Variants in PPM1B observed in about 807,000 individuals in gnomAD.
PPM1B encodes protein phosphatase 1B.
A neutral mutation model predicts 43.0 loss-of-function variants in PPM1B; 22 were observed. The observed-to-expected ratio is 0.51, with a 90% CI of 0.37 to 0.73. The LOEUF (loss-of-function observed/expected upper bound fraction) is 0.73. PPM1B is among the 30% of genes least tolerant of loss of function. The pLI is 0.00. For synonymous variants in PPM1B, 217 were observed against 197.9 expected (o/e 1.10, Z -0.81); for missense variants, 632 against 584.2 (o/e 1.08, Z -0.84).
intron 5 of PPM1B, among the ~76,000 whole-genome samples, chr2:44,243,083 A>G (rs1206049956): frequency 6.6e-6 from 1 of 152,166 alleles, no homozygotes; most frequent in African/African-American, 2.4e-5. Context: ...ACATCATGCA[A>G]CTTCTGAGCT....
At chr2:44,172,432 G>A (rs762219290) in intron 1 of PPM1B, among the ~76,000 whole-genome samples, 79 of 152,212 alleles carry the variant, frequency 5.2e-4, no homozygotes, top group Non-Finnish European at 2.6e-4. Context: ...AAAATTTGCA[G>A]AATGACAGAA....
intron 5 of PPM1B, among the ~76,000 whole-genome samples, chr2:44,223,692 T>G (rs111762858): frequency 0.15 from 22,653 of 151,228 alleles, 1,907 homozygotes; most frequent in South Asian, 0.24. Context: ...GGTGGGCGCC[T>G]GTAGTCTCAG....
chr2:44,199,763 G>C (rs1246734056), intron 1 of PPM1B, among the ~76,000 whole-genome samples: 1 of 152,102 alleles, frequency 6.6e-6, no homozygotes, highest in Middle Eastern at 3.4e-3. Context: ...ATCCTTTCAG[G>C]ACTCTTTTTC....
intron 5 of PPM1B, among the ~76,000 whole-genome samples, chr2:44,225,691 C>G (rs1474007010): frequency 2.0e-5 from 3 of 152,154 alleles, no homozygotes; most frequent in Non-Finnish European, 2.9e-5. Flanking sequence ...GAGTCTCACC[C>G]TGTCACCGAG....
chr2:44,223,925 G>T (rs773954255), intron 5 of PPM1B, among the ~76,000 whole-genome samples: 1 of 150,896 alleles, frequency 6.6e-6, no homozygotes, highest in Non-Finnish European at 1.5e-5. Context: ...TTTGCTATGT[G>T]GTCTTGACCA....
At position 44,201,333 on chromosome 2, in the gene PPM1B, G is replaced by C; in HGVS notation, c.134G>C (p.Gly45Ala). 6.2e-7 allele frequency: 1 copy of C among 1,614,136 alleles called. No homozygotes were observed. The highest frequency in any genetic ancestry group is 1.6e-4 in the Middle Eastern group (1 of 6,062). Residue 45 changes from glycine to alanine, a missense_variant, in exon 2 of 6, where the codon GGT (glycine) becomes GCT (alanine). By Grantham distance (60) the Gly-to-Ala change is moderately conservative. Transcript: ENST00000282412. This position sits in a 1 kb window ranked among gnomAD's most constrained non-coding sequence, Gnocchi z 5.4. The part of the protein sequence containing the change: ...EMEDAHTAVV[G>A]IPHGLEDWSF... ...GAAGATGCACACACAGCTGTTGTAG[G>C]TATTCCTCACGGCTTGGAAGACTGG...
intron 1 of PPM1B, among the ~76,000 whole-genome samples, chr2:44,182,085 G>A (rs1246587167): frequency 1.3e-5 from 2 of 152,044 alleles, no homozygotes; most frequent in South Asian, 2.1e-4. Context: ...TTCTTCTTAC[G>A]ACTGATAGTT....
chr2:44,192,200 T>G (rs1454042895), intron 1 of PPM1B, among the ~76,000 whole-genome samples: 7 of 141,100 alleles, frequency 5.0e-5, no homozygotes, highest in East Asian at 4.0e-4. Flanking sequence ...GGTATTGTAT[T>G]GTATTGTATT....
chr2:44,174,556 AGTTAT>A (rs1363783817), intron 1 of PPM1B, among the ~76,000 whole-genome samples: 2 of 152,272 alleles, frequency 1.3e-5, no homozygotes, highest in African/African-American at 4.8e-5. Context: ...TTTAAAATGC[AGTTAT>A]GTTATCAGGT....
chr2:44,196,417 C>G (rs947495960), intron 1 of PPM1B, among the ~76,000 whole-genome samples: 2 of 152,176 alleles, frequency 1.3e-5, no homozygotes, highest in Admixed American at 6.5e-5. Flanking sequence ...AAGTGCCTTT[C>G]TCATTAGATT....
chr2:44,195,477 C>G (rs1446894530), intron 1 of PPM1B, among the ~76,000 whole-genome samples: 1 of 152,106 alleles, frequency 6.6e-6, no homozygotes, highest in African/African-American at 2.4e-5. Context: ...TCCCAAAGTG[C>G]TTGGATTCCA....
chr2:44,227,127 C>A (rs1043914510), intron 5 of PPM1B, among the ~76,000 whole-genome samples: 6 of 151,774 alleles, frequency 4.0e-5, no homozygotes, highest in African/African-American at 1.5e-4. Flanking sequence ...GTGTGTGCTG[C>A]CACACCTAAT....
At chr2:44,191,282 C>A (rs764169378) in intron 1 of PPM1B, among the ~76,000 whole-genome samples, 30 of 152,062 alleles carry the variant, frequency 2.0e-4, no homozygotes, top group Non-Finnish European at 3.7e-4. Context: ...GGAGTGATCT[C>A]GGCTCACTGC....
intron 1 of PPM1B, among the ~76,000 whole-genome samples, chr2:44,188,904 C>A (rs1668269241): frequency 6.6e-6 from 1 of 151,348 alleles, no homozygotes; most frequent in African/African-American, 2.4e-5. Flanking sequence ...GGGGAGGTGC[C>A]AATTTGGGTT....
rs144125942 is a variant in PPM1B, at chr2:44,198,284, C to T, written c.-14-2902C>T. ...CAAGCAATTCTCCTGTCTCAGCCCC[C>T]CGAGTAGCTGGGATCACAGGCACCC... is the stretch of plus-strand genomic sequence containing the variant. On this transcript the variant is annotated intron_variant, in intron 1 of 5. Coordinates refer to ENST00000282412, the MANE Select transcript of PPM1B (RefSeq NM_002706.6). 7.9e-5 allele frequency among the ~76,000 whole-genome samples: 12 copies of T among 152,256 alleles called. No individual in the cohort carries two copies. In the East Asian group the frequency reaches 2.3e-3, roughly 29 times the overall value.
chr2:44,216,985 G>A (rs1669750311), intron 3 of PPM1B, among the ~76,000 whole-genome samples: 1 of 152,106 alleles, frequency 6.6e-6, no homozygotes. Context: ...AAGAGTATGT[G>A]AAGATCTAGA....
In PPM1B at chr2:44,209,283, A is replaced by G. The variant is rs372999051; in HGVS notation, c.920A>G (p.Lys307Arg). 2 of 1,614,048 alleles carry G rather than the reference A, an allele frequency of 1.2e-6. No individual in the cohort carries two copies. Among genetic ancestry groups the G allele is most frequent in the African/African-American group, 1.3e-5 (1 of 74,946 alleles). The change falls in exon 3 of 6, where the codon AAA becomes AGA. Residue 307 changes from lysine (K) to arginine (R), a missense_variant. Lys to Arg is a conservative substitution (Grantham distance 26). Around this residue, in one of 3 missense-constraint regions of PPM1B, gnomAD observed 392 missense variants for 302.7 expected, o/e 1.29. Transcript: ENST00000282412. Reference protein sequence around the residue: ...NAPKVSDEAVKKDSELDKHLE... With the variant: ...NAPKVSDEAVRKDSELDKHLE... Reference sequence around the variant, plus strand: ...CCCAAGGTCTCAGATGAAGCGGTGAAAAAAGATTCAGAGTTGGATAAGCAC... The same window carrying G: ...CCCAAGGTCTCAGATGAAGCGGTGAGAAAAGATTCAGAGTTGGATAAGCAC...
downstream of PPM1B, chr2:44,233,758 T>C (rs1422132175): frequency 1.3e-5 from 13 of 985,708 alleles, no homozygotes; most frequent in Non-Finnish European, 1.6e-5. Flanking sequence ...ATTTGATTTA[T>C]TGTGCACCTG....
At chr2:44,233,723 T>G (rs1283206338), downstream of PPM1B, 1 of 985,764 alleles carries the variant, frequency 1.0e-6, no homozygotes, top group African/African-American at 1.7e-5. Flanking sequence ...AGCCACACAT[T>G]TAAATACAGA....
Sources: gnomAD v4.1 joint callset for allele counts (sites outside exome capture counted in the v4.1 genomes callset) on GRCh38, gnomAD v4.1.1 for gene constraint, gnomAD v4.1.1 regional missense constraint, Gnocchi (gnomAD v3.1) non-coding constraint, MANE v1.5 for transcripts, NCBI Gene and HGNC (gene_info 2026-07-23, HGNC 2026-07-21) for gene names.